SAG: variants seen among roughly 807,000 people sequenced by gnomAD.
SAG encodes S-arrestin.
SAG carries 45 observed loss-of-function variants against 55.0 expected under a neutral mutation model. That is an observed-to-expected ratio of 0.82 (90% CI 0.64 to 1.05). SAG has a LOEUF of 1.05. Among genes scored for constraint, SAG ranks in the 50% least tolerant of loss-of-function variants. The pLI, the probability that SAG is intolerant of heterozygous loss-of-function variation, is 0.00. For missense variants in SAG, 455 were observed against 512.1 expected, an observed-to-expected ratio of 0.89 and a Z score of 1.08; for synonymous variants, 189 against 197.4, an observed-to-expected ratio of 0.96 and a Z score of 0.36.
At chr2:233,339,007 G>T (rs536732709) in intron 12 of SAG, among the ~76,000 whole-genome samples, 1 of 152,212 alleles carries the variant, frequency 6.6e-6, no homozygotes, top group Non-Finnish European at 1.5e-5. Context: ...GCAAAAATAC[G>T]TGTGCATATG....
chr2:233,346,946 TAGTTACC>T lies in SAG; in HGVS notation c.*38_*44del, dbSNP rs1473292860. ...GCTCAGGATGCCGGAAAATGACCTG[TAGTTACC>T]AGTGCAACGAGCAAAGCCCCACAGT... On this transcript the variant is annotated 3_prime_UTR_variant, in exon 16 of 16. Transcript: ENST00000409110. The T allele has an allele frequency of 5.6e-6, 7 of 1,253,270 alleles. No individual in the cohort carries two copies. Among genetic ancestry groups the T allele is most frequent in the Non-Finnish European group, 7.0e-6 (6 of 861,910 alleles). 77.6% of individuals were successfully genotyped at this position (1,253,270 alleles called of 1,614,324 possible). A position where few individuals can be genotyped will look rare whatever the true frequency, so the allele number is the denominator to read the frequency against.
rs200296556 is a variant in SAG, at chr2:233,318,768, G to C, written c.154G>C (p.Asp52His). 168 of 1,613,838 alleles carry C rather than the reference G, an allele frequency of 1.0e-4. 1 individual carries two copies. The highest frequency in any genetic ancestry group is 1.3e-4 in the Non-Finnish European group (148 of 1,179,848). ...TGCCTTAGATGGTGTCGTGTTGGTT[G>C]ATCCTGATCTTGTGAAGGGAAAGAA... ...VQPVDGVVLV[D>H]PDLVKGKKVY... The change falls in exon 4 of 16, where the codon GAT becomes CAT. Residue 52 changes from aspartate (D) to histidine (H), a missense_variant. Coordinates refer to ENST00000409110, the MANE Select transcript of SAG (RefSeq NM_000541.5).
intron 8 of SAG, 30 bp from the exon 9 acceptor site, chr2:233,329,463 T>C (rs375401582): frequency 7.1e-7 from 1 of 1,412,668 alleles, no homozygotes; most frequent in African/African-American, 1.4e-5. Context: ...ATCTGTTCTC[T>C]TCTTCTGACC....
chr2:233,318,136 G>A (rs1036424738), intron 3 of SAG, among the ~76,000 whole-genome samples: 1 of 151,840 alleles, frequency 6.6e-6, no homozygotes, highest in Admixed American at 6.6e-5. Flanking sequence ...ACCGCACCTG[G>A]CCCATGCCCT....
chr2:233,343,700 C>T (rs1196208490), intron 14 of SAG: 1 of 1,233,778 alleles, frequency 8.1e-7, no homozygotes, highest in East Asian at 6.0e-5. Context: ...TGCATCGAGG[C>T]AGCTTAGTTG....
chr2:233,346,249 T>C lies in SAG; in HGVS notation c.1103-154T>C. ...GCAGGGAGGCAGGAATTACACGCAGTGATCATGAACTGCATGTATCTAGGC... is the reference window on the plus strand; with the variant it reads ...GCAGGGAGGCAGGAATTACACGCAGCGATCATGAACTGCATGTATCTAGGC... On this transcript the variant is annotated intron_variant, in intron 14 of 15. Coordinates refer to ENST00000409110, the MANE Select transcript of SAG (RefSeq NM_000541.5). The C allele has an allele frequency of 7.3e-6, 5 of 689,630 alleles. No homozygotes were observed. The South Asian group carries it at 9.2e-5, about 13-fold the overall frequency. 42.7% of individuals were successfully genotyped at this position (689,630 alleles called of 1,614,324 possible).
At position 233,328,518 on chromosome 2, in the gene SAG, C is replaced by T. The variant is rs750705383; in HGVS notation, c.553C>T (p.Pro185Ser). The change falls in exon 8 of 16, where the codon CCA (proline) becomes TCA (serine). Residue 185 changes from proline to serine, a missense_variant. Transcript: ENST00000409110. ...ACTGATCCGCAAAGTACAGCATGCC[C>T]CACTTGAGATGGGTCCCCAGCCCCG... ...RLLIRKVQHA[P>S]LEMGPQPRAE... 1 of 1,613,934 alleles carries T rather than the reference C, an allele frequency of 6.2e-7. No individual in the cohort carries two copies. The highest frequency in any genetic ancestry group is 8.5e-7 in the Non-Finnish European group (1 of 1,179,830).
At chr2:233,346,360 C>G (rs1701252467) in intron 14 of SAG, 43 bp from the exon 15 acceptor site, 2 of 1,606,772 alleles carry the variant, frequency 1.2e-6, no homozygotes, top group African/African-American at 1.3e-5. Flanking sequence ...ACAAATGTCT[C>G]TCTCTCCCTC....
chr2:233,311,756 C>G (rs1488032248), intron 2 of SAG, among the ~76,000 whole-genome samples: 1 of 152,198 alleles, frequency 6.6e-6, no homozygotes, highest in Non-Finnish European at 1.5e-5. Flanking sequence ...TGGTTGGCCA[C>G]CTTCTCAGGG....
chr2:233,316,035 C>T lies in SAG; in HGVS notation c.76-40C>T, dbSNP rs55895356. ...TTTTATCATGGATGCCTTAGCTTAGCATTCTTTGGCCCTTAGACCCACACC... is the reference window on the plus strand; with the variant it reads ...TTTTATCATGGATGCCTTAGCTTAGTATTCTTTGGCCCTTAGACCCACACC... On this transcript the variant is annotated intron_variant, in intron 2 of 15. Coordinates refer to ENST00000409110, the MANE Select transcript of SAG (RefSeq NM_000541.5). 64,342 of 1,268,928 alleles carry T rather than the reference C, an allele frequency of 0.051. 2,060 individuals are homozygous for T. Among genetic ancestry groups the T allele is most frequent in the South Asian group, 0.11 (8,435 of 78,690 alleles). The allele number at this position is 1,268,928 out of a possible 1,614,324, so 78.6% of individuals were successfully genotyped here.
Position 233,323,582 on chromosome 2 carries a change from C to T in SAG, c.435+577C>T, listed in dbSNP as rs1417731481. Among the ~76,000 whole-genome samples, 3 of 152,068 alleles carry T rather than the reference C, an allele frequency of 2.0e-5. No homozygotes were observed. In the East Asian group the frequency reaches 5.8e-4, roughly 29 times the overall value. On this transcript the variant is annotated intron_variant, in intron 6 of 15. Transcript: ENST00000409110. ...TTCTCCACATTGGTCAGGCTGGTCT[C>T]GAACTCCCGACCTCAGGTGATCTGC...
intron 12 of SAG, 116 bp downstream of exon 12, chr2:233,338,869 C>A: frequency 1.2e-6 from 1 of 818,746 alleles, no homozygotes. Flanking sequence ...TAGCTTCTAC[C>A]AAGGATTACC....
At chr2:233,309,093 G>A in intron 1 of SAG, 69 bp from the exon 2 acceptor site, 3 of 903,318 alleles carry the variant, frequency 3.3e-6, no homozygotes, top group South Asian at 1.5e-5. Flanking sequence ...TAACTAGGAT[G>A]TTCTTGACTT....
chr2:233,322,983 C>T lies in SAG; in HGVS notation c.413C>T (p.Pro138Leu). 6.3e-7 allele frequency: 1 copy of T among 1,577,726 alleles called. No individual in the cohort carries two copies. Among genetic ancestry groups the T allele is most frequent in the Middle Eastern group, 1.7e-4 (1 of 6,020 alleles). ...TTGCCCTGTTCAGTGATGTTGCAGC[C>T]AGCTCCACAAGATTCAGGGAAGGTT... The part of the protein sequence containing the change: ...DYLPCSVMLQ[P>L]APQDSGKSCG... Residue 138 changes from proline to leucine, a missense_variant, in exon 6 of 16, where the codon CCA becomes CTA. By Grantham distance (98) the Pro-to-Leu change is moderately conservative. Transcript: ENST00000409110.
chr2:233,336,606 G>C (rs543425370), intron 11 of SAG, among the ~76,000 whole-genome samples: 1 of 152,228 alleles, frequency 6.6e-6, no homozygotes, highest in South Asian at 2.1e-4. Flanking sequence ...CATTTTATGG[G>C]TAAGGAAATT....
At chr2:233,343,623 TA>T in intron 14 of SAG, 3 of 1,202,936 alleles carry the variant, frequency 2.5e-6, no homozygotes, top group Non-Finnish European at 3.2e-6. Context: ...ATTCTCTTTC[TA>T]AAAAGGTAAA....
chr2:233,342,192 C>A, intron 13 of SAG, 79 bp from the exon 14 acceptor site: 1 of 1,093,356 alleles, frequency 9.1e-7, no homozygotes, highest in Non-Finnish European at 1.4e-6. Context: ...TTGTGACTCT[C>A]CGCAGCCATA....
Position 233,309,277 on chromosome 2 carries a change from C to T in SAG, c.75+13C>T. On this transcript the variant is annotated intron_variant, in intron 2 of 15. Transcript: ENST00000409110. ...CCGGGACAAATCGGTGAGTGGTGCACAAGTGAGTGATTTGATAGAAATTAT... is the reference window on the plus strand; with the variant it reads ...CCGGGACAAATCGGTGAGTGGTGCATAAGTGAGTGATTTGATAGAAATTAT... The T allele has an allele frequency of 6.2e-7, 1 of 1,603,704 alleles. No individual in the cohort carries two copies. The highest frequency in any genetic ancestry group is 8.5e-7 in the Non-Finnish European group (1 of 1,170,906).
At chr2:233,327,027 C>A in intron 6 of SAG, 94 bp from the exon 7 acceptor site, 1 of 892,904 alleles carries the variant, frequency 1.1e-6, no homozygotes, top group Non-Finnish European at 1.9e-6. Flanking sequence ...GAGATAGTGC[C>A]ACATCATGTG....
Sources: gnomAD v4.1 joint callset for allele counts (sites outside exome capture counted in the v4.1 genomes callset) on GRCh38, gnomAD v4.1.1 for gene constraint, MANE v1.5 for transcripts, NCBI Gene and HGNC (gene_info 2026-07-23, HGNC 2026-07-21) for gene names.